ACADL: variants seen among roughly 807,000 people sequenced by gnomAD.
ACADL encodes the protein acyl-CoA dehydrogenase long chain.
In ACADL, 60 loss-of-function variants were observed where a neutral mutation model predicts 56.9. The ratio of observed to expected loss-of-function variants is 1.05; its 90% CI spans 0.86 to 1.31. The LOEUF is 1.31. Ranked by LOEUF, ACADL falls within the 50% of genes most tolerant of loss-of-function variation. ACADL has a pLI of 0.00. For missense variants in ACADL, 484 were observed against 525.5 expected (o/e 0.92, Z 0.77); for synonymous variants, 158 against 179.7 (o/e 0.88, Z 0.97).
In ACADL at chr2:210,216,375, T is replaced by C. The variant is rs768577146; in HGVS notation, c.508A>G (p.Ile170Val). 3.6e-5 allele frequency: 58 copies of C among 1,613,730 alleles called. No homozygotes were observed. The highest frequency in any genetic ancestry group is 4.3e-5 in the Non-Finnish European group (51 of 1,179,802). ...QMTAGKCIGA[I>V]AMTEPGAGSD... ...CCAGCTCCAGGCTCTGTCATTGCTA[T>C]TGCACCAATACATTTGCCTGCAGTC... Residue 170 changes from isoleucine (I) to valine (V), a missense_variant, in exon 4 of 11, where the codon ATA (isoleucine) becomes GTA (valine). Coordinates refer to ENST00000233710, the MANE Select transcript of ACADL (RefSeq NM_001608.4).
chr2:210,197,518 A>C (rs2125710078), intron 8 of ACADL, among the ~76,000 whole-genome samples: 1 of 152,348 alleles, frequency 6.6e-6, no homozygotes. Flanking sequence ...AAAATAGGCA[A>C]ATAATCTATA....
At chr2:210,211,226 A>G (rs1318277626) in intron 4 of ACADL, among the ~76,000 whole-genome samples, 1 of 152,176 alleles carries the variant, frequency 6.6e-6, no homozygotes, top group Non-Finnish European at 1.5e-5. Flanking sequence ...TCTGTTAACA[A>G]TATCTAATGA....
chr2:210,215,773 AC>A, intron 4 of ACADL, among the ~76,000 whole-genome samples: 1 of 152,136 alleles, frequency 6.6e-6, no homozygotes. Context: ...TGTTTCCTTC[AC>A]AGTACTTCAT....
intron 1 of ACADL, 112 bp downstream of exon 1, chr2:210,225,075 C>T: frequency 6.6e-7 from 1 of 1,508,406 alleles, no homozygotes; most frequent in Non-Finnish European, 8.8e-7. Context: ...AGTTGGGGAG[C>T]ACTCCCAGCC....
rs767579812 is a variant in ACADL at position 210,188,941 on chromosome 2, T to A, written c.*20A>T. 1 of 1,568,790 alleles carries A rather than the reference T, an allele frequency of 6.4e-7. No homozygotes were observed. Among genetic ancestry groups the A allele is most frequent in the Non-Finnish European group, 8.8e-7 (1 of 1,138,898 alleles). On this transcript the variant is annotated 3_prime_UTR_variant, in exon 11 of 11. Coordinates refer to ENST00000233710, the MANE Select transcript of ACADL (RefSeq NM_001608.4). ...AAAACGAGATTAGCTGTAATAGGACTCCAGGATGTGGGCAGATGTCTACTT... is the reference window on the plus strand; with the variant it reads ...AAAACGAGATTAGCTGTAATAGGACACCAGGATGTGGGCAGATGTCTACTT...
chr2:210,196,308 T>C (rs1470368232), intron 8 of ACADL, among the ~76,000 whole-genome samples: 1 of 151,814 alleles, frequency 6.6e-6, no homozygotes, highest in Non-Finnish European at 1.5e-5. Context: ...TATTTCTTCA[T>C]AGCAGTATGA....
In ACADL at chr2:210,225,417, A is replaced by G. The variant is rs1466176116; in HGVS notation, c.-154T>C. The G allele has an allele frequency of 3.4e-5, 26 of 761,220 alleles. No individual in the cohort carries two copies. Among genetic ancestry groups the G allele is most frequent in the Non-Finnish European group, 1.0e-5 (5 of 485,554 alleles). 47.2% of individuals were successfully genotyped at this position (761,220 alleles called of 1,614,324 possible). ...TCGCGCGCGCCCTTCCGGAGCCCCAACCACGCCACAGGCTGGTCGCGAGGG... is the reference window on the plus strand; with the variant it reads ...TCGCGCGCGCCCTTCCGGAGCCCCAGCCACGCCACAGGCTGGTCGCGAGGG... On this transcript the variant is annotated 5_prime_UTR_variant, in exon 1 of 11. Coordinates refer to ENST00000233710, the MANE Select transcript of ACADL (RefSeq NM_001608.4).
At chr2:210,193,077 A>T (rs773908276) in intron 9 of ACADL, among the ~76,000 whole-genome samples, 187 bp from the exon 10 acceptor site, 3 of 152,264 alleles carry the variant, frequency 2.0e-5, no homozygotes, top group Non-Finnish European at 4.4e-5. Flanking sequence ...GAGAATTTTC[A>T]TATAAGAGTA....
At chr2:210,201,785 A>G (rs1688796946) in intron 8 of ACADL, among the ~76,000 whole-genome samples, 1 of 152,186 alleles carries the variant, frequency 6.6e-6, no homozygotes, top group Non-Finnish European at 1.5e-5. Context: ...AAGAAACTAT[A>G]GGGTCTAAAA....
chr2:210,201,526 C>T (rs1215717949), intron 8 of ACADL, among the ~76,000 whole-genome samples: 2 of 152,082 alleles, frequency 1.3e-5, no homozygotes, highest in East Asian at 1.9e-4. Flanking sequence ...AGAGAGAACA[C>T]GACTAGACTA....
intron 4 of ACADL, among the ~76,000 whole-genome samples, chr2:210,215,160 CATAA>C (rs1343400504): frequency 1.3e-5 from 2 of 152,216 alleles, no homozygotes; most frequent in Non-Finnish European, 2.9e-5. Context: ...CTGTCTTTAA[CATAA>C]ATAATTTCCC....
At chr2:210,214,467 A>AAAAGAAAGATAGAAAGAAAG (rs1689040737) in intron 4 of ACADL, among the ~76,000 whole-genome samples, 1 of 122,336 alleles carries the variant, frequency 8.2e-6, no homozygotes, top group African/African-American at 3.1e-5. Context: ...GACCTTCCAA[A>AAAAGAAAGATAGAAAGAAAG]AAAGAAAGAA....
intron 2 of ACADL, among the ~76,000 whole-genome samples, chr2:210,219,480 CACAA>C (rs111253481): frequency 3.9e-5 from 6 of 152,066 alleles, no homozygotes; most frequent in South Asian, 4.2e-4. Context: ...CACACAAACA[CACAA>C]ACAAACAAAC....
intron 10 of ACADL, among the ~76,000 whole-genome samples, chr2:210,191,202 C>T (rs1326336894): frequency 1.3e-5 from 2 of 152,082 alleles, no homozygotes; most frequent in South Asian, 2.1e-4. Flanking sequence ...AGTGAGCCAC[C>T]GCACGTGGCC....
rs1216965770 is a variant in ACADL at position 210,220,707 on chromosome 2, T to G, written c.173A>C (p.Asp58Ala). The change falls in exon 2 of 11, where the codon GAC (aspartate) becomes GCC (alanine). Residue 58 changes from aspartate to alanine, a missense_variant. Transcript: ENST00000233710. ...GIRRIFSPEHDIFRKSVRKFF... is the reference protein window; with the variant it reads ...GIRRIFSPEHAIFRKSVRKFF... The stretch of plus-strand genomic sequence containing the variant: ...CTTCCTTACACTTTTCCGGAAAATG[T>G]CATGCTCTGGAGAAAAGATTCTTCG... 6.2e-7 allele frequency: 1 copy of G among 1,613,546 alleles called. No individual in the cohort carries two copies. Among genetic ancestry groups the G allele is most frequent in the Admixed American group, 1.7e-5 (1 of 60,026 alleles).
chr2:210,216,356 C>A lies in ACADL; in HGVS notation c.527G>T (p.Gly176Val). The A allele has an allele frequency of 6.2e-7, 1 of 1,613,678 alleles. No homozygotes were observed. Among genetic ancestry groups the A allele is most frequent in the Non-Finnish European group, 8.5e-7 (1 of 1,179,730 alleles). The change falls in exon 4 of 11, where the codon GGA (glycine) becomes GTA (valine). Residue 176 changes from glycine (G) to valine (V), a missense_variant. Transcript: ENST00000233710. The stretch of plus-strand genomic sequence containing the variant: ...CTAAATATTAACTTACCTTCCAGCT[C>A]CAGGCTCTGTCATTGCTATTGCACC... ...CIGAIAMTEP[G>V]AGSDLQGIKT...
intron 4 of ACADL, among the ~76,000 whole-genome samples, chr2:210,212,021 C>G (rs2125715155): frequency 6.6e-6 from 1 of 152,112 alleles, no homozygotes; most frequent in Non-Finnish European, 1.5e-5. Context: ...TTAGTAGAGA[C>G]ATGGTTTCAC....
intron 8 of ACADL, among the ~76,000 whole-genome samples, chr2:210,196,682 A>G (rs1367424016): frequency 6.6e-6 from 1 of 152,158 alleles, no homozygotes; most frequent in Non-Finnish European, 1.5e-5. Flanking sequence ...ATTCTAGTTG[A>G]TTTCTTAGGT....
intron 1 of ACADL, 34 bp from the exon 2 acceptor site, chr2:210,220,836 G>C (rs776911517): frequency 6.6e-7 from 1 of 1,512,664 alleles, no homozygotes; most frequent in South Asian, 1.2e-5. Context: ...GGAAAAGTAA[G>C]TGAATTGTTA....
Sources: allele counts gnomAD v4.1 joint callset (sites outside exome capture counted in the v4.1 genomes callset), GRCh38; gene constraint gnomAD v4.1.1; transcripts MANE v1.5; gene names NCBI Gene and HGNC (gene_info 2026-07-23, HGNC 2026-07-21).